The following PMEPA1 variants were observed in gnomAD, a reference collection of about 807,000 sequenced individuals.
PMEPA1 encodes prostate transmembrane protein, androgen induced 1.
Under a neutral mutation model 23.0 loss-of-function variants are expected in PMEPA1, and 11 were observed. The observed-to-expected ratio is 0.48, with a 90% CI of 0.30 to 0.79. The LOEUF (loss-of-function observed/expected upper bound fraction) is 0.79, where lower values mean the gene tolerates loss of function less well. Among genes scored for constraint, PMEPA1 ranks in the 30% least tolerant of loss-of-function variants. The pLI is 0.06. For synonymous variants in PMEPA1, 204 were observed against 166.4 expected (o/e 1.23, Z -1.74); for missense variants, 377 against 390.9 (o/e 0.96, Z 0.30).
intron 1 of PMEPA1, among the ~76,000 whole-genome samples, chr20:57,672,195 G>A (rs528932272): frequency 6.6e-6 from 1 of 152,238 alleles, no homozygotes. Flanking sequence ...AAAGACTCTC[G>A]CACGCGCACG....
chr20:57,671,032 T>C (rs994766487), intron 1 of PMEPA1, among the ~76,000 whole-genome samples: 4 of 152,106 alleles, frequency 2.6e-5, no homozygotes, highest in African/African-American at 9.7e-5. Flanking sequence ...AAGTAAACGG[T>C]CTCTAGAATC....
Position 57,651,929 on chromosome 20 carries a change from G to C in PMEPA1, c.*124C>G. On this transcript the variant is annotated 3_prime_UTR_variant, in exon 4 of 4. Coordinates refer to ENST00000341744, the MANE Select transcript of PMEPA1 (RefSeq NM_020182.5). ...CATGTAAATATTTATACACAGGGAGGTGGGAGGGGAGGGCCACACGATGCG... is the reference window on the plus strand; with the variant it reads ...CATGTAAATATTTATACACAGGGAGCTGGGAGGGGAGGGCCACACGATGCG... 1 of 655,874 alleles carries C rather than the reference G, an allele frequency of 1.5e-6. No homozygotes were observed. The highest frequency in any genetic ancestry group is 2.4e-6 in the Non-Finnish European group (1 of 408,364). The allele number at this position is 655,874 out of a possible 1,614,324, so 40.6% of individuals were successfully genotyped here.
intron 1 of PMEPA1, among the ~76,000 whole-genome samples, chr20:57,672,067 A>G (rs1245013748): frequency 6.6e-6 from 1 of 152,278 alleles, no homozygotes; most frequent in Non-Finnish European, 1.5e-5. Flanking sequence ...TAAATTGTTC[A>G]TGATGACTTC....
chr20:57,679,823 G>A lies in PMEPA1; in HGVS notation c.110-20126C>T, dbSNP rs934262153. The stretch of plus-strand genomic sequence containing the variant: ...GAAAAAACTCACCCTCTTAGATACT[G>A]AGTTTCTAGGGGAGGAGAGTGGCTT... On this transcript the variant is annotated intron_variant, in intron 1 of 3. Coordinates refer to ENST00000341744, the MANE Select transcript of PMEPA1 (RefSeq NM_020182.5). Among the ~76,000 whole-genome samples, 3 of 152,208 alleles carry A rather than the reference G, an allele frequency of 2.0e-5. No individual in the cohort carries two copies. The South Asian group carries it at 6.2e-4, about 31-fold the overall frequency.
chr20:57,664,816 A>G (rs1016035642), intron 1 of PMEPA1, among the ~76,000 whole-genome samples: 1 of 152,238 alleles, frequency 6.6e-6, no homozygotes, highest in Non-Finnish European at 1.5e-5. Flanking sequence ...AGGGCCAAGC[A>G]GGCCACACCC....
intron 1 of PMEPA1, among the ~76,000 whole-genome samples, chr20:57,696,480 G>A (rs1439639837): frequency 6.6e-6 from 1 of 152,212 alleles, no homozygotes; most frequent in African/African-American, 2.4e-5. Context: ...TCCCTGGCAG[G>A]TGACTTAGCT....
chr20:57,705,968 AG>A (rs749500634), intron 1 of PMEPA1, among the ~76,000 whole-genome samples: 3 of 152,206 alleles, frequency 2.0e-5, no homozygotes, highest in Non-Finnish European at 4.4e-5. Context: ...GATTCAAGCA[AG>A]TGTCAAACAG....
intron 1 of PMEPA1, among the ~76,000 whole-genome samples, chr20:57,667,546 C>T (rs1389804601): frequency 6.6e-6 from 1 of 152,134 alleles, no homozygotes; most frequent in East Asian, 1.9e-4. Context: ...GACCAGACGA[C>T]CCCCCTCCAC....
At chr20:57,663,922 G>A (rs1009000074) in intron 1 of PMEPA1, among the ~76,000 whole-genome samples, 2 of 152,210 alleles carry the variant, frequency 1.3e-5, no homozygotes, top group African/African-American at 4.8e-5. Context: ...AGGAAGGCTG[G>A]TCAGGCACAG....
intron 1 of PMEPA1, among the ~76,000 whole-genome samples, chr20:57,680,040 T>C (rs1345687549): frequency 1.3e-5 from 2 of 152,142 alleles, no homozygotes; most frequent in African/African-American, 4.8e-5. Context: ...ACCTTGACCA[T>C]CTTTGCAAGG....
chr20:57,673,004 G>C (rs2146669348), intron 1 of PMEPA1, among the ~76,000 whole-genome samples: 1 of 152,312 alleles, frequency 6.6e-6, no homozygotes, highest in East Asian at 1.9e-4. Flanking sequence ...ACGGCACCTG[G>C]TGCATACTTA....
chr20:57,696,401 TCTCC>T (rs1195783724), intron 1 of PMEPA1, among the ~76,000 whole-genome samples: 2 of 152,146 alleles, frequency 1.3e-5, no homozygotes, highest in Admixed American at 6.5e-5. Context: ...TCTCTGTGAC[TCTCC>T]CTCCCACCCT....
chr20:57,696,918 T>C (rs1371988942), intron 1 of PMEPA1, among the ~76,000 whole-genome samples: 1 of 152,230 alleles, frequency 6.6e-6, no homozygotes, highest in Non-Finnish European at 1.5e-5. Context: ...TGACATATTG[T>C]CAAGGAACCA....
Position 57,703,340 on chromosome 20 carries a change from G to C in PMEPA1, c.109+6134C>G, listed in dbSNP as rs554101221. Reference sequence around the variant, plus strand: ...AAAATTTCAATTGATTCTCACAAAGGGGAGCCCCAAACCATCAGAAGCTTC... The same window carrying C: ...AAAATTTCAATTGATTCTCACAAAGCGGAGCCCCAAACCATCAGAAGCTTC... On this transcript the variant is annotated intron_variant, in intron 1 of 3. Transcript: ENST00000341744. 5.3e-5 allele frequency among the ~76,000 whole-genome samples: 8 copies of C among 152,308 alleles called. No individual in the cohort carries two copies. The East Asian group carries it at 1.5e-3, about 29-fold the overall frequency.
rs924778197 is a variant in PMEPA1, at chr20:57,709,781, C to T, written c.-199G>A. The T allele has an allele frequency of 1.9e-5, 19 of 981,870 alleles. No homozygotes were observed. The highest frequency in any genetic ancestry group is 1.3e-4 in the Admixed American group (2 of 15,996). The allele number at this position is 981,870 out of a possible 1,614,324, so 60.8% of individuals were successfully genotyped here. On this transcript the variant is annotated 5_prime_UTR_variant, in exon 1 of 4. Transcript: ENST00000341744. Reference sequence around the variant, plus strand: ...TGCGCGGGACCGCGCTCCGCTGCGCCCCCCCGGCCTCCCCTCGGCAGCCCC... The same window carrying T: ...TGCGCGGGACCGCGCTCCGCTGCGCTCCCCCGGCCTCCCCTCGGCAGCCCC...
Position 57,656,192 on chromosome 20 carries a change from G to A in PMEPA1, c.265-3106C>T, listed in dbSNP as rs145794376. ...TTCGGTACCTCCCATGTCCTCAGGA[G>A]ATACTGAATTCCCCCACAGCCCAGC... On this transcript the variant is annotated intron_variant, in intron 2 of 3. Transcript: ENST00000341744. The surrounding 1 kb of genome is among the most constrained non-coding windows in gnomAD (Gnocchi z 4.7). 6.6e-6 allele frequency among the ~76,000 whole-genome samples: 1 copy of A among 150,484 alleles called. No homozygotes were observed. The highest frequency in any genetic ancestry group is 1.5e-5 in the Non-Finnish European group (1 of 67,270).
At chr20:57,684,592 C>T (rs1273744627) in intron 1 of PMEPA1, among the ~76,000 whole-genome samples, 1 of 152,102 alleles carries the variant, frequency 6.6e-6, no homozygotes, top group Admixed American at 6.5e-5. Context: ...GATTGGGGGG[C>T]CCGGGAGACC....
chr20:57,709,825 C>T lies in PMEPA1; in HGVS notation c.-243G>A, dbSNP rs1314102786. The T allele has an allele frequency of 1.0e-6, 1 of 984,840 alleles. No individual in the cohort carries two copies. The highest frequency in any genetic ancestry group is 1.8e-5 in the African/African-American group (1 of 56,790). 61.0% of individuals were successfully genotyped at this position (984,840 alleles called of 1,614,324 possible). A position where few individuals can be genotyped will look rare whatever the true frequency, so the allele number is the denominator to read the frequency against. ...CAGCCCCGGGGGCGTCGGCAGTGCC[C>T]GCGGGTGGCGTCCGGAAAATGGGCT... On this transcript the variant is annotated 5_prime_UTR_variant, in exon 1 of 4. Coordinates refer to ENST00000341744, the MANE Select transcript of PMEPA1 (RefSeq NM_020182.5).
At chr20:57,663,702 A>T (rs1368777519) in intron 1 of PMEPA1, among the ~76,000 whole-genome samples, 2 of 152,172 alleles carry the variant, frequency 1.3e-5, no homozygotes, top group Non-Finnish European at 2.9e-5. Flanking sequence ...GCACAGGCAG[A>T]GGGTATAGGT....
Sources: allele counts gnomAD v4.1 joint callset (sites outside exome capture counted in the v4.1 genomes callset), GRCh38; gene constraint gnomAD v4.1.1; non-coding constraint Gnocchi (gnomAD v3.1); transcripts MANE v1.5; gene names NCBI Gene and HGNC (gene_info 2026-07-23, HGNC 2026-07-21).